Variants in TRIO observed in about 807,000 individuals in gnomAD.
The protein encoded by TRIO is triple functional domain protein.
A neutral mutation model predicts 351.9 loss-of-function variants in TRIO; 58 were observed. The ratio of observed to expected loss-of-function variants is 0.16; its 90% CI spans 0.13 to 0.21. The LOEUF is 0.21. TRIO is among the 10% of genes least tolerant of loss of function. The pLI is 1.00. For synonymous variants in TRIO, 1,758 were observed against 1,595.7 expected, an observed-to-expected ratio of 1.10 and a Z score of -2.42; for missense variants, 3,201 against 4,027.8, an observed-to-expected ratio of 0.79 and a Z score of 5.56.
At chr5:14,226,936 T>C (rs2152216059) in intron 1 of TRIO, among the ~76,000 whole-genome samples, 1 of 29,098 alleles carries the variant, frequency 3.4e-5, no homozygotes, top group Middle Eastern at 0.016. Context: ...CATTGCCCTG[T>C]GCTTAAAGTA....
At chr5:14,388,700 T>A in intron 24 of TRIO, 21 bp downstream of exon 24, 2 of 1,601,662 alleles carry the variant, frequency 1.2e-6, no homozygotes, top group Non-Finnish European at 1.7e-6. Context: ...TTTTTTTTTT[T>A]TTTTTTGCTT....
At chr5:14,385,379 A>G (rs1746451939) in intron 21 of TRIO, among the ~76,000 whole-genome samples, 1 of 152,244 alleles carries the variant, frequency 6.6e-6, no homozygotes, top group Non-Finnish European at 1.5e-5. Context: ...ACTTACGTGC[A>G]TCCACACAGT....
chr5:14,479,291 T>A lies in TRIO; in HGVS notation c.6184T>A (p.Cys2062Ser), dbSNP rs1467928418. 6.2e-7 allele frequency: 1 copy of A among 1,613,938 alleles called. No homozygotes were observed. The highest frequency in any genetic ancestry group is 8.5e-7 in the Non-Finnish European group (1 of 1,179,986). The change falls in exon 42 of 57, where the codon TGT (cysteine) becomes AGT (serine). Residue 2062 changes from cysteine to serine, a missense_variant. By Grantham distance (112) the Cys-to-Ser change is moderately radical (BLOSUM62 -1). Around this residue, in one of 19 missense-constraint regions of TRIO, gnomAD observed 307 missense variants for 396.5 expected, o/e 0.77. Transcript: ENST00000344204. Reference sequence around the variant, plus strand: ...AAGGTTGCACATGTACATAGCTTATTGTCAAAATAAACCAAAGTCTGAGCA... The same window carrying A: ...AAGGTTGCACATGTACATAGCTTATAGTCAAAATAAACCAAAGTCTGAGCA... ...ERRLHMYIAY[C>S]QNKPKSEHIV...
At position 14,285,655 on chromosome 5, in the gene TRIO, G is replaced by A. The variant is rs115492816; in HGVS notation, c.348-1216G>A. Among the ~76,000 whole-genome samples the A allele has an allele frequency of 6.3e-3, 954 of 152,198 alleles. 13 individuals are homozygous for A. The highest frequency in any genetic ancestry group is 0.022 in the African/African-American group (923 of 41,520). Reference sequence around the variant, plus strand: ...CTTAATGATAGCAATTGGTTTTCCAGGTTTTTAATTTAGACTAGTTTTTTG... The same window carrying A: ...CTTAATGATAGCAATTGGTTTTCCAAGTTTTTAATTTAGACTAGTTTTTTG... On this transcript the variant is annotated intron_variant, in intron 3 of 56. Coordinates refer to ENST00000344204, the MANE Select transcript of TRIO (RefSeq NM_007118.4).
At chr5:14,179,373 A>G (rs1488218432) in intron 1 of TRIO, among the ~76,000 whole-genome samples, 1 of 152,268 alleles carries the variant, frequency 6.6e-6, no homozygotes, top group African/African-American at 2.4e-5. Context: ...CCATTTTAAA[A>G]TAAAAATGTA....
At chr5:14,281,950 A>G (rs1736041744) in intron 3 of TRIO, among the ~76,000 whole-genome samples, 2 of 152,214 alleles carry the variant, frequency 1.3e-5, no homozygotes, top group South Asian at 4.1e-4. Flanking sequence ...CAACCTGTGT[A>G]GGTTGACACA....
At chr5:14,207,624 T>C (rs1347499350) in intron 1 of TRIO, among the ~76,000 whole-genome samples, 1 of 151,214 alleles carries the variant, frequency 6.6e-6, no homozygotes, top group Non-Finnish European at 1.5e-5. Flanking sequence ...GGAGGATTGC[T>C]TCAGCCCAGC....
At chr5:14,225,161 A>G (rs1792912273) in intron 1 of TRIO, among the ~76,000 whole-genome samples, 1 of 152,188 alleles carries the variant, frequency 6.6e-6, no homozygotes, top group Non-Finnish European at 1.5e-5. Context: ...ATTGGCTGTA[A>G]CACGCTGATC....
chr5:14,451,658 A>G (rs1054076273), intron 34 of TRIO, among the ~76,000 whole-genome samples: 2 of 152,376 alleles, frequency 1.3e-5, no homozygotes, highest in Middle Eastern at 3.4e-3. Context: ...CTTTTCAAAT[A>G]GTCTGATGGA....
intron 3 of TRIO, among the ~76,000 whole-genome samples, chr5:14,280,686 G>C (rs1735915920): frequency 6.6e-6 from 1 of 152,202 alleles, no homozygotes; most frequent in South Asian, 2.1e-4. Flanking sequence ...ACTCAGCTGG[G>C]ATTTCAGGAT....
At chr5:14,505,999 G>T (rs1200656501) in intron 55 of TRIO, among the ~76,000 whole-genome samples, 2 of 152,188 alleles carry the variant, frequency 1.3e-5, no homozygotes, top group Non-Finnish European at 2.9e-5. Flanking sequence ...CACTGGCTTT[G>T]GAGGGTTGTC....
chr5:14,295,817 T>C (rs1440505565), intron 6 of TRIO, among the ~76,000 whole-genome samples: 4 of 152,286 alleles, frequency 2.6e-5, no homozygotes, highest in South Asian at 4.2e-4. Context: ...TGTTGCAGCC[T>C]CTTTCTGCGA....
At chr5:14,391,562 C>T (rs150889182) in intron 27 of TRIO, among the ~76,000 whole-genome samples, 2 of 152,318 alleles carry the variant, frequency 1.3e-5, no homozygotes, top group East Asian at 3.9e-4. Context: ...AAAGCTGTTG[C>T]AGCGGCTTAT....
At chr5:14,480,756 C>T (rs1230807689) in intron 43 of TRIO, among the ~76,000 whole-genome samples, 4 of 152,050 alleles carry the variant, frequency 2.6e-5, no homozygotes, top group South Asian at 4.2e-4. Flanking sequence ...CGTAGGAATG[C>T]CTTTTTGTTG....
At chr5:14,484,201 A>G (rs763399985) in intron 46 of TRIO, among the ~76,000 whole-genome samples, 5 of 152,194 alleles carry the variant, frequency 3.3e-5, no homozygotes, top group Non-Finnish European at 5.9e-5. Context: ...AATTTCGTAT[A>G]TATTTTTTAC....
intron 34 of TRIO, among the ~76,000 whole-genome samples, chr5:14,432,595 T>C (rs1751254962): frequency 6.6e-6 from 1 of 152,222 alleles, no homozygotes; most frequent in Non-Finnish European, 1.5e-5. Flanking sequence ...AGAGAAGTCA[T>C]CTTAATGGAA....
At chr5:14,354,673 G>A (rs1170852732) in intron 11 of TRIO, among the ~76,000 whole-genome samples, 1 of 152,216 alleles carries the variant, frequency 6.6e-6, no homozygotes, top group Admixed American at 6.5e-5. Flanking sequence ...ATTCACTTCT[G>A]CTCCAAGTTT....
intron 55 of TRIO, among the ~76,000 whole-genome samples, chr5:14,504,949 T>C (rs1757558417): frequency 6.6e-6 from 1 of 150,566 alleles, no homozygotes; most frequent in Non-Finnish European, 1.5e-5. Flanking sequence ...GAGGCTGACC[T>C]GATACCCCAA....
At chr5:14,452,955 GA>G (rs1418821956) in intron 34 of TRIO, among the ~76,000 whole-genome samples, 2 of 152,054 alleles carry the variant, frequency 1.3e-5, no homozygotes, top group Admixed American at 1.3e-4. Context: ...ACTGGGCCTA[GA>G]AAACAGCCTC....
Sources: gnomAD v4.1 joint callset for allele counts (sites outside exome capture counted in the v4.1 genomes callset) on GRCh38, gnomAD v4.1.1 for gene constraint, gnomAD v4.1.1 regional missense constraint, MANE v1.5 for transcripts, NCBI Gene and HGNC (gene_info 2026-07-23, HGNC 2026-07-21) for gene names.